Variants in MLXIPL observed in about 807,000 individuals in gnomAD.
MLXIPL encodes carbohydrate-responsive element-binding protein.
A neutral mutation model predicts 81.5 loss-of-function variants in MLXIPL; 49 were observed. The observed-to-expected ratio is 0.60, with a 90% CI of 0.48 to 0.76. MLXIPL has a LOEUF of 0.76. Ranked by LOEUF, MLXIPL falls within the 30% of genes least tolerant of loss-of-function variation. MLXIPL has a pLI of 0.00. For missense variants in MLXIPL, 1,053 were observed against 1,167.0 expected (o/e 0.90, Z 1.42); for synonymous variants, 466 against 485.5 (o/e 0.96, Z 0.53).
intron 2 of MLXIPL, among the ~76,000 whole-genome samples, chr7:73,612,978 G>A (rs533887652): frequency 1.3e-5 from 2 of 152,116 alleles, no homozygotes; most frequent in East Asian, 1.9e-4. Context: ...CCCCAGGAGC[G>A]GTGCAAAGTG....
At chr7:73,607,199 G>A in intron 4 of MLXIPL, 132 bp downstream of exon 4, 2 of 1,249,766 alleles carry the variant, frequency 1.6e-6, no homozygotes, top group Non-Finnish European at 2.3e-6. Context: ...TGTCGGCCCG[G>A]GACTGAATGG....
the MLXIPL span, among the ~76,000 whole-genome samples, chr7:73,630,341 A>G: frequency 3.3e-5 from 4 of 119,854 alleles, no homozygotes; most frequent in Non-Finnish European, 6.4e-5. Context: ...CACCCAGGCC[A>G]GAATGCAGTG....
chr7:73,595,585 C>T, intron 15 of MLXIPL, 52 bp downstream of exon 15: 2 of 1,613,870 alleles, frequency 1.2e-6, no homozygotes, highest in Non-Finnish European at 1.7e-6. Context: ...AGCCTGGTCT[C>T]ACCCTGCCAC....
the MLXIPL span, among the ~76,000 whole-genome samples, chr7:73,641,135 C>G: frequency 6.6e-6 from 1 of 152,118 alleles, no homozygotes. Flanking sequence ...AATCCTATCT[C>G]TACCAAAAAT....
the MLXIPL span, among the ~76,000 whole-genome samples, chr7:73,642,275 C>T: frequency 2.6e-5 from 4 of 152,082 alleles, no homozygotes; most frequent in African/African-American, 9.7e-5. Context: ...CCTCCTAGCA[C>T]CTTGATGTGT....
intron 7 of MLXIPL, among the ~76,000 whole-genome samples, chr7:73,600,640 G>A (rs1377911973): frequency 9.2e-4 from 93 of 100,580 alleles, no homozygotes; most frequent in Middle Eastern, 0.014. Context: ...GGTGGGCTCC[G>A]AGTGGGGTGG....
At chr7:73,642,083 T>G in the MLXIPL span, among the ~76,000 whole-genome samples, 1 of 152,198 alleles carries the variant, frequency 6.6e-6, no homozygotes, top group African/African-American at 2.4e-5. Flanking sequence ...GGGGTTCTCA[T>G]GACTTTCTCC....
In MLXIPL at chr7:73,597,292, G is replaced by A; in HGVS notation, c.1493C>T (p.Pro498Leu). Residue 498 changes from proline to leucine, a missense_variant, in exon 9 of 17, where the codon CCA becomes CTA. This residue lies in a region of MLXIPL where 823 missense variants were observed against 933.0 expected (regional missense o/e 0.88). Transcript: ENST00000313375. The part of the protein sequence containing the change: ...FSMPRGKPPA[P>L]SPRGQKASPP... ...GCTGGCTTTCTGTCCCCTAGGGGAT[G>A]GGGCGGGGGGCTTGCCTCTGGGCAT... 1 of 1,567,608 alleles carries A rather than the reference G, an allele frequency of 6.4e-7. No individual in the cohort carries two copies. The highest frequency in any genetic ancestry group is 8.7e-7 in the Non-Finnish European group (1 of 1,154,960).
At chr7:73,607,526 G>A in intron 3 of MLXIPL, 64 bp downstream of exon 3, 1 of 1,582,026 alleles carries the variant, frequency 6.3e-7, no homozygotes, top group Non-Finnish European at 8.7e-7. Flanking sequence ...GCTACAGGAG[G>A]CAGGGGCTGG....
the MLXIPL span, among the ~76,000 whole-genome samples, chr7:73,631,609 G>A: frequency 2.0e-4 from 24 of 119,864 alleles, 1 homozygote; most frequent in Non-Finnish European, 3.1e-4. Context: ...GGTCTGCTAT[G>A]CTGCCTAGGC....
chr7:73,632,434 C>T, the MLXIPL span, among the ~76,000 whole-genome samples: 43 of 152,252 alleles, frequency 2.8e-4, no homozygotes, highest in Admixed American at 1.7e-3. Flanking sequence ...AAAACGAAAC[C>T]GACTTTGCAC....
At chr7:73,632,081 T>C in the MLXIPL span, among the ~76,000 whole-genome samples, 1 of 151,942 alleles carries the variant, frequency 6.6e-6, no homozygotes, top group South Asian at 2.1e-4. Flanking sequence ...TAGCCTCAAA[T>C]TCCTGGGCTC....
chr7:73,612,088 G>C (rs1427010934), intron 2 of MLXIPL, among the ~76,000 whole-genome samples: 1 of 152,138 alleles, frequency 6.6e-6, no homozygotes, highest in Non-Finnish European at 1.5e-5. Context: ...CATTTTGGGA[G>C]GCTGAACTGA....
upstream of MLXIPL, among the ~76,000 whole-genome samples, chr7:73,628,726 A>G (rs541402119): frequency 5.3e-5 from 8 of 152,346 alleles, no homozygotes; most frequent in Admixed American, 5.2e-4. Context: ...ATGTACATGT[A>G]AGCTGGCTCA....
At chr7:73,628,059 C>G (rs187511563), upstream of MLXIPL, among the ~76,000 whole-genome samples, 2 of 151,956 alleles carry the variant, frequency 1.3e-5, no homozygotes, top group East Asian at 1.9e-4. Flanking sequence ...TGGGCTCAAG[C>G]GACCCTTCCA....
chr7:73,635,860 A>G, the MLXIPL span, among the ~76,000 whole-genome samples: 5 of 152,118 alleles, frequency 3.3e-5, no homozygotes, highest in Non-Finnish European at 7.3e-5. Context: ...CCATCTGCCC[A>G]CCCAGTACAC....
upstream of MLXIPL, among the ~76,000 whole-genome samples, chr7:73,628,441 T>A (rs1276730840): frequency 6.6e-6 from 1 of 152,144 alleles, no homozygotes; most frequent in Non-Finnish European, 1.5e-5. Context: ...GACTGCACAA[T>A]GCAAAACATC....
At chr7:73,622,268 A>C (rs1259639015) in intron 1 of MLXIPL, among the ~76,000 whole-genome samples, 1 of 151,946 alleles carries the variant, frequency 6.6e-6, no homozygotes, top group Non-Finnish European at 1.5e-5. Flanking sequence ...AGGCAGGTGG[A>C]TCACCTGAGG....
upstream of MLXIPL, among the ~76,000 whole-genome samples, chr7:73,627,209 G>A (rs1796768083): frequency 6.6e-6 from 1 of 151,648 alleles, no homozygotes; most frequent in African/African-American, 2.4e-5. Flanking sequence ...TCCTTTGGAG[G>A]GGCTCTGCCC....
Sources: allele counts gnomAD v4.1 joint callset (sites outside exome capture counted in the v4.1 genomes callset), GRCh38; gene constraint gnomAD v4.1.1; regional missense constraint gnomAD v4.1.1; transcripts MANE v1.5; gene names NCBI Gene and HGNC (gene_info 2026-07-23, HGNC 2026-07-21).